CDH8: variants seen among roughly 807,000 people sequenced by gnomAD.
CDH8 encodes cadherin-8.
A neutral mutation model predicts 68.1 loss-of-function variants in CDH8; 17 were observed. That is an observed-to-expected ratio of 0.25 (90% confidence interval 0.17 to 0.37). The LOEUF is 0.37. Ranked by LOEUF, CDH8 falls within the 10% of genes least tolerant of loss-of-function variation. The probability of loss-of-function intolerance (pLI) is 1.00; values close to 1 mark genes in which losing one functional copy is unlikely to be tolerated. For synonymous variants in CDH8, 372 were observed against 365.1 expected, an observed-to-expected ratio of 1.02 and a Z score of -0.21; for missense variants, 763 against 999.3, an observed-to-expected ratio of 0.76 and a Z score of 3.19.
intron 2 of CDH8, among the ~76,000 whole-genome samples, chr16:61,965,453 C>T (rs985278137): frequency 1.8e-4 from 27 of 152,162 alleles, no homozygotes; most frequent in Non-Finnish European, 5.9e-5. Context: ...ACTAAATATT[C>T]CAAGGACCCC....
At position 61,719,496 on chromosome 16, in the gene CDH8, C is replaced by T. The variant is rs1212879926; in HGVS notation, c.1537-5538G>A. On this transcript the variant is annotated intron_variant, in intron 9 of 11. Coordinates refer to ENST00000577390, the MANE Select transcript of CDH8 (RefSeq NM_001796.5). ...CATTCTTTTGGTGGACTCTGTATAT[C>T]TGATGTGTACTTTGTATACTACTGA... Among the ~76,000 whole-genome samples, 3 of 150,896 alleles carry T rather than the reference C, an allele frequency of 2.0e-5. 1 individual carries two copies. The Admixed American group carries it at 2.0e-4, about 10-fold the overall frequency.
rs191125439 is a variant in CDH8, at chr16:61,747,963, C to T, written c.1415-20748G>A. Among the ~76,000 whole-genome samples, 146 of 152,082 alleles carry T rather than the reference C, an allele frequency of 9.6e-4. 2 individuals are homozygous for T. The highest frequency in any genetic ancestry group is 9.1e-3 in the Admixed American group (138 of 15,246). ...TAATTTATTTTCATATATTGTCACA[C>T]GCCTCTTAGAACATCAACCAGTTTG... On this transcript the variant is annotated intron_variant, in intron 8 of 11. Transcript: ENST00000577390.
At chr16:61,832,390 A>AT (rs1962480249) in intron 4 of CDH8, among the ~76,000 whole-genome samples, 1 of 151,646 alleles carries the variant, frequency 6.6e-6, no homozygotes, top group Admixed American at 6.6e-5. Context: ...ATACATAGAG[A>AT]AATAGAGAGG....
rs990074714 is a variant in CDH8 at position 62,036,385 on chromosome 16, T to C, written c.-505A>G. ...GGGAGATTCCAAATAAATCCACTAA[T>C]TCTGGGCTGAGCGCTCCGGCGTGCG... On this transcript the variant is annotated 5_prime_UTR_variant, in exon 1 of 12. Transcript: ENST00000577390. 2 of 152,650 alleles carry C rather than the reference T, an allele frequency of 1.3e-5. No homozygotes were observed. Among genetic ancestry groups the C allele is most frequent in the Non-Finnish European group, 2.9e-5 (2 of 68,412 alleles). The allele number at this position is 152,650 out of a possible 1,614,324, so 9.5% of individuals were successfully genotyped here.
At chr16:61,926,119 G>A (rs543739433) in intron 2 of CDH8, among the ~76,000 whole-genome samples, 82 of 151,312 alleles carry the variant, frequency 5.4e-4, no homozygotes, top group Non-Finnish European at 8.7e-4. Context: ...ATAAGAAGCA[G>A]AATCATAAAA....
chr16:61,797,208 A>C (rs1961520162), intron 7 of CDH8, among the ~76,000 whole-genome samples: 1 of 152,142 alleles, frequency 6.6e-6, no homozygotes, highest in Admixed American at 6.5e-5. Context: ...CAAAGCCTCC[A>C]TCTCCTACTC....
chr16:61,930,921 GA>G (rs1017371015), intron 2 of CDH8, among the ~76,000 whole-genome samples: 14 of 152,296 alleles, frequency 9.2e-5, no homozygotes, highest in Non-Finnish European at 2.1e-4. Flanking sequence ...AATAGCCCAA[GA>G]GATAAAATGC....
chr16:61,683,636 A>G (rs1044068068), intron 10 of CDH8, among the ~76,000 whole-genome samples: 5 of 151,932 alleles, frequency 3.3e-5, no homozygotes, highest in Non-Finnish European at 7.4e-5. Flanking sequence ...CTTTTTCTGG[A>G]GGGGCTGACC....
chr16:61,924,097 G>A (rs543271657), intron 2 of CDH8, among the ~76,000 whole-genome samples: 79 of 151,790 alleles, frequency 5.2e-4, no homozygotes, highest in African/African-American at 1.8e-3. Context: ...CGCTGACTTC[G>A]AGATCAAAAA....
At chr16:61,854,766 T>C (rs541748213) in intron 4 of CDH8, among the ~76,000 whole-genome samples, 1 of 152,242 alleles carries the variant, frequency 6.6e-6, no homozygotes, top group South Asian at 2.1e-4. Flanking sequence ...TATTTCTGCT[T>C]AGCTTGTATA....
intron 8 of CDH8, among the ~76,000 whole-genome samples, chr16:61,736,800 G>T (rs1959699499): frequency 6.6e-6 from 1 of 152,120 alleles, no homozygotes; most frequent in Admixed American, 6.6e-5. Flanking sequence ...AATTATTTAT[G>T]TCCTTTGTGA....
intron 2 of CDH8, among the ~76,000 whole-genome samples, chr16:62,020,897 TG>T (rs544295897): frequency 8.6e-4 from 131 of 152,300 alleles, no homozygotes; most frequent in African/African-American, 3.0e-3. Context: ...TATTTGTTTT[TG>T]CATTATATAA....
At chr16:61,883,764 G>A (rs1963621111) in intron 3 of CDH8, among the ~76,000 whole-genome samples, 1 of 151,848 alleles carries the variant, frequency 6.6e-6, no homozygotes, top group African/African-American at 2.4e-5. Flanking sequence ...AAGACCTCGA[G>A]AGAGTGAACT....
At chr16:61,742,035 G>C (rs544132621) in intron 8 of CDH8, among the ~76,000 whole-genome samples, 1 of 151,922 alleles carries the variant, frequency 6.6e-6, no homozygotes, top group Non-Finnish European at 1.5e-5. Context: ...TGTTTAATCT[G>C]TATCTTCATT....
intron 11 of CDH8, among the ~76,000 whole-genome samples, chr16:61,655,117 C>T (rs1473903382): frequency 6.6e-6 from 1 of 152,136 alleles, no homozygotes; most frequent in Admixed American, 6.6e-5. Context: ...CATAGTAGAG[C>T]CTGCTGTTGC....
intron 3 of CDH8, among the ~76,000 whole-genome samples, chr16:61,881,183 T>G (rs1190864749): frequency 1.3e-5 from 2 of 152,140 alleles, no homozygotes; most frequent in Non-Finnish European, 2.9e-5. Context: ...TATGAGATAA[T>G]AAGTGTGTGT....
intron 2 of CDH8, among the ~76,000 whole-genome samples, chr16:61,913,394 G>C (rs1378256952): frequency 3.9e-5 from 6 of 152,076 alleles, no homozygotes; most frequent in Non-Finnish European, 5.9e-5. Context: ...TATACAGGAG[G>C]ATGTACATAG....
intron 10 of CDH8, chr16:61,693,186 A>T (rs1964265325): frequency 1.3e-5 from 2 of 152,170 alleles, no homozygotes; most frequent in Admixed American, 1.3e-4. Context: ...CGGGTTAAAA[A>T]ATAAAAGTAT....
At chr16:61,992,829 T>C in intron 2 of CDH8, among the ~76,000 whole-genome samples, 1 of 152,148 alleles carries the variant, frequency 6.6e-6, no homozygotes, top group East Asian at 1.9e-4. Flanking sequence ...TGCTCAGTTG[T>C]CCGGGCTGGA....
Sources: gnomAD v4.1 joint callset for allele counts (sites outside exome capture counted in the v4.1 genomes callset) on GRCh38, gnomAD v4.1.1 for gene constraint, MANE v1.5 for transcripts, NCBI Gene and HGNC (gene_info 2026-07-23, HGNC 2026-07-21) for gene names.